INPP4B: variants seen among roughly 807,000 people sequenced by gnomAD.
INPP4B encodes inositol polyphosphate 4-phosphatase type II.
INPP4B carries 55 observed loss-of-function variants against 122.5 expected under a neutral mutation model. That is an observed-to-expected ratio of 0.45 (90% CI 0.36 to 0.56). The LOEUF is 0.56. INPP4B is among the 20% of genes least tolerant of loss of function. INPP4B has a pLI of 0.00. For missense variants in INPP4B, 1,000 were observed against 1,097.7 expected, an observed-to-expected ratio of 0.91 and a Z score of 1.26; for synonymous variants, 403 against 388.7, an observed-to-expected ratio of 1.04 and a Z score of -0.43.
At chr4:142,702,440 C>T (rs888892818) in intron 2 of INPP4B, among the ~76,000 whole-genome samples, 1 of 152,016 alleles carries the variant, frequency 6.6e-6, no homozygotes, top group Non-Finnish European at 1.5e-5. Context: ...GCATGAACTT[C>T]GAGGCCAGGC....
chr4:142,292,697 T>G (rs1756946804), intron 9 of INPP4B, among the ~76,000 whole-genome samples: 1 of 152,216 alleles, frequency 6.6e-6, no homozygotes, highest in Non-Finnish European at 1.5e-5. Flanking sequence ...CCATGTTTAT[T>G]ATGATACCTT....
At chr4:142,545,817 G>A (rs374654475) in intron 2 of INPP4B, among the ~76,000 whole-genome samples, 68 of 53,206 alleles carry the variant, frequency 1.3e-3, no homozygotes, top group Middle Eastern at 0.024. Context: ...ACATATACAT[G>A]TGTGTATATA....
Position 142,173,614 on chromosome 4 carries a change from T to C in INPP4B, c.1359+18A>G, listed in dbSNP as rs754543554. ...GAGTATTTCATTTTCCCAACTATAG[T>C]GATGATTTGGATCTTACTTTTTCTG... is the stretch of plus-strand genomic sequence containing the variant. On this transcript the variant is annotated intron_variant, in intron 16 of 25. Coordinates refer to ENST00000262992, the MANE Select transcript of INPP4B (RefSeq NM_001101669.3). 16 of 1,603,082 alleles carry C rather than the reference T, an allele frequency of 1.0e-5. No individual in the cohort carries two copies. In the Admixed American group the frequency reaches 2.7e-4, roughly 27 times the overall value.
chr4:142,477,755 T>C (rs1166593533), intron 2 of INPP4B, among the ~76,000 whole-genome samples: 1 of 152,124 alleles, frequency 6.6e-6, no homozygotes, highest in Non-Finnish European at 1.5e-5. Context: ...AATAGACCAA[T>C]AATGAGTTCT....
At chr4:142,666,288 A>G (rs114884998) in intron 2 of INPP4B, among the ~76,000 whole-genome samples, 2 of 152,174 alleles carry the variant, frequency 1.3e-5, no homozygotes, top group Non-Finnish European at 2.9e-5. Flanking sequence ...GTAAAAATGT[A>G]TATATAATTT....
At chr4:142,218,361 T>G (rs1332647692) in intron 12 of INPP4B, among the ~76,000 whole-genome samples, 2 of 152,238 alleles carry the variant, frequency 1.3e-5, no homozygotes, top group Non-Finnish European at 2.9e-5. Flanking sequence ...GCCAACATTC[T>G]GTGTGCAAGC....
At chr4:142,281,007 G>T (rs544040606) in intron 9 of INPP4B, among the ~76,000 whole-genome samples, 60 of 152,056 alleles carry the variant, frequency 3.9e-4, no homozygotes, top group African/African-American at 1.4e-3. Context: ...CCAAGCCAGT[G>T]ATGCATAAAT....
At chr4:142,632,678 C>A (rs1748233291) in intron 2 of INPP4B, among the ~76,000 whole-genome samples, 1 of 151,684 alleles carries the variant, frequency 6.6e-6, no homozygotes, top group African/African-American at 2.4e-5. Flanking sequence ...ATGATAATAG[C>A]ATATACTAAA....
intron 2 of INPP4B, among the ~76,000 whole-genome samples, chr4:142,633,763 A>G (rs1038728907): frequency 1.3e-5 from 2 of 152,200 alleles, no homozygotes; most frequent in African/African-American, 4.8e-5. Flanking sequence ...AAAATGACAC[A>G]AAATTGATAA....
chr4:142,631,942 A>G (rs1279844260), intron 2 of INPP4B, among the ~76,000 whole-genome samples: 2 of 152,178 alleles, frequency 1.3e-5, no homozygotes, highest in East Asian at 1.9e-4. Context: ...GCAGCAAGAC[A>G]GACAGATCTC....
intron 18 of INPP4B, among the ~76,000 whole-genome samples, chr4:142,132,987 G>A (rs979092970): frequency 8.5e-5 from 13 of 152,120 alleles, no homozygotes; most frequent in African/African-American, 2.2e-4. Context: ...AAAGACATCC[G>A]TACTGCTAAA....
chr4:142,130,504 T>G (rs1481328658), intron 18 of INPP4B, among the ~76,000 whole-genome samples: 2 of 152,184 alleles, frequency 1.3e-5, no homozygotes, highest in East Asian at 3.9e-4. Context: ...GCAGAGGATA[T>G]GTGAACAGGG....
intron 9 of INPP4B, among the ~76,000 whole-genome samples, chr4:142,283,314 C>T (rs1252164375): frequency 6.6e-6 from 1 of 151,998 alleles, no homozygotes; most frequent in Non-Finnish European, 1.5e-5. Flanking sequence ...ATGAGGAGCT[C>T]AGTTTAGCAG....
intron 2 of INPP4B, among the ~76,000 whole-genome samples, chr4:142,537,740 AGTGTGTGTGTGTGTGTGT>A (rs72363974): frequency 2.0e-5 from 3 of 146,874 alleles, no homozygotes; most frequent in Non-Finnish European, 3.0e-5. Flanking sequence ...TGTGTATATG[AGTGTGTGTGTGTGTGTGT>A]GTGTGTGTGT....
At chr4:142,246,101 TACACACATATATATATGTGTATGTATAC>T (rs1157520179) in intron 11 of INPP4B, among the ~76,000 whole-genome samples, 4 of 136,964 alleles carry the variant, frequency 2.9e-5, no homozygotes, top group Non-Finnish European at 6.3e-5. Context: ...TGTGTGTGTA[TACACACATATATATATGTGTATGTATAC>T]ACACACATAT....
At chr4:142,053,646 A>G (rs1457249320) in intron 25 of INPP4B, among the ~76,000 whole-genome samples, 4 of 152,074 alleles carry the variant, frequency 2.6e-5, no homozygotes, top group South Asian at 2.1e-4. Context: ...GTTTCACTCA[A>G]TATTAACCTG....
intron 7 of INPP4B, among the ~76,000 whole-genome samples, chr4:142,362,747 A>T (rs1040598633): frequency 6.6e-6 from 1 of 152,116 alleles, no homozygotes; most frequent in East Asian, 1.9e-4. Context: ...AGAAAACCAA[A>T]TATCACATGT....
At chr4:142,391,328 C>T (rs184080555) in intron 7 of INPP4B, among the ~76,000 whole-genome samples, 10 of 152,214 alleles carry the variant, frequency 6.6e-5, no homozygotes, top group East Asian at 3.9e-4. Context: ...GAAGCCGAGG[C>T]GGGTGGATCA....
chr4:142,160,457 A>T lies in INPP4B; in HGVS notation c.1464T>A (p.Pro488=), dbSNP rs763088910. The part of the protein sequence containing the change: ...PGGILKKPPS[P]KSSTEESSPQ... ...GACTGCTCTCCTCTGTGCTGCTCTT[A>T]GGAGAGGGTGGCTTCTTAAGAATGC... The change falls in exon 17 of 26, where the codon CCT becomes CCA. Residue 488 remains proline (P), a synonymous_variant. Coordinates refer to ENST00000262992, the MANE Select transcript of INPP4B (RefSeq NM_001101669.3). 1.9e-6 allele frequency: 3 copies of T among 1,612,534 alleles called. No individual in the cohort carries two copies. The highest frequency in any genetic ancestry group is 2.5e-6 in the Non-Finnish European group (3 of 1,179,106).
Sources: gnomAD v4.1 joint callset for allele counts (sites outside exome capture counted in the v4.1 genomes callset) on GRCh38, gnomAD v4.1.1 for gene constraint, MANE v1.5 for transcripts, NCBI Gene and HGNC (gene_info 2026-07-23, HGNC 2026-07-21) for gene names.